Variants in ATRX observed in about 807,000 individuals in gnomAD.
The protein encoded by ATRX is ATRX chromatin remodeler.
A neutral mutation model predicts 172.6 loss-of-function variants in ATRX; 12 were observed. The observed-to-expected ratio is 0.07, with a 90% CI of 0.04 to 0.11. The LOEUF (loss-of-function observed/expected upper bound fraction) is 0.11, where lower values mean the gene tolerates loss of function less well. Ranked by LOEUF, ATRX falls within the 10% of genes least tolerant of loss-of-function variation. The pLI is 1.00. For synonymous variants in ATRX, 674 were observed against 594.7 expected (o/e 1.13, Z -1.94); for missense variants, 1,368 against 1,767.4 (o/e 0.77, Z 4.05).
chrX:77,695,628 T>C (rs2072145183), intron 5 of ATRX, among the ~76,000 whole-genome samples: 1 of 111,566 alleles, frequency 9.0e-6, no homozygotes, highest in Admixed American at 9.5e-5. Context: ...CATAAATGAT[T>C]TGCAAAACTA....
At chrX:77,545,163 C>T (rs2064187408) in intron 30 of ATRX, among the ~76,000 whole-genome samples, 1 of 112,403 alleles carries the variant, frequency 8.9e-6, no homozygotes, top group Non-Finnish European at 1.9e-5. Flanking sequence ...TGGCTGCATA[C>T]CAGCACTGTT....
rs1178307424 is a variant in ATRX at position 77,506,291 on chromosome X, G to A, written c.*2060C>T. ...AAAGTACATATTATATAGCTAAAAT[G>A]TCAAGTGAGAAGAGTGTATACAAAG... On this transcript the variant is annotated 3_prime_UTR_variant, in exon 35 of 35. Coordinates refer to ENST00000373344, the MANE Select transcript of ATRX (RefSeq NM_000489.6). The A allele has an allele frequency of 1.2e-5, 2 of 171,375 alleles. No homozygotes were observed. The highest frequency in any genetic ancestry group is 3.6e-3 in the Middle Eastern group (2 of 549). The allele number at this position is 171,375 out of a possible 1,213,427, so 14.1% of individuals were successfully genotyped here.
intron 15 of ATRX, among the ~76,000 whole-genome samples, chrX:77,644,267 A>G (rs868938469): frequency 2.7e-5 from 3 of 112,938 alleles, no homozygotes; most frequent in African/African-American, 9.6e-5. Context: ...CTTTCAAAAC[A>G]TTAGTTGAAC....
At chrX:77,544,119 G>A (rs2064133187) in intron 30 of ATRX, among the ~76,000 whole-genome samples, 1 of 111,194 alleles carries the variant, frequency 9.0e-6, no homozygotes, top group Non-Finnish European at 1.9e-5. Flanking sequence ...GTATTTACAA[G>A]TGAAATGCCA....
rs782656411 is a variant in ATRX at position 77,544,035 on chromosome X, G to A, written c.6699+13416C>T. Among the ~76,000 whole-genome samples the A allele has an allele frequency of 5.5e-5, 6 of 109,966 alleles. No homozygotes were observed. In the South Asian group the frequency reaches 2.3e-3, roughly 43 times the overall value. On this transcript the variant is annotated intron_variant, in intron 30 of 34. Coordinates refer to ENST00000373344, the MANE Select transcript of ATRX (RefSeq NM_000489.6). ...TTATGAGATGGTGTTAGGGAATTAG[G>A]AAGTTATTCATTTTATGGTATTGTA...
At chrX:77,605,694 T>C (rs782218753) in intron 22 of ATRX, among the ~76,000 whole-genome samples, 5 of 111,346 alleles carry the variant, frequency 4.5e-5, no homozygotes, top group African/African-American at 1.6e-4. Context: ...AAGAAAACCA[T>C]AGGCCAATAT....
chrX:77,533,421 T>C (rs782119867), intron 30 of ATRX, among the ~76,000 whole-genome samples: 1 of 112,223 alleles, frequency 8.9e-6, no homozygotes, highest in African/African-American at 3.2e-5. Flanking sequence ...GTGGTACATA[T>C]ACCAGATGGT....
intron 1 of ATRX, among the ~76,000 whole-genome samples, chrX:77,769,575 C>T (rs1321484080): frequency 1.8e-5 from 2 of 111,442 alleles, no homozygotes; most frequent in Non-Finnish European, 3.8e-5. Flanking sequence ...CGTGAGCCAC[C>T]GTGCCCAGCC....
chrX:77,656,524 T>A (rs781872615), intron 13 of ATRX, 36 bp downstream of exon 13: 1 of 1,086,590 alleles, frequency 9.2e-7, no homozygotes, highest in South Asian at 1.9e-5. Context: ...TCATTCAGAT[T>A]AATTCCTAAA....
At chrX:77,618,207 C>T (rs2067435472) in intron 21 of ATRX, among the ~76,000 whole-genome samples, 2 of 112,065 alleles carry the variant, frequency 1.8e-5, no homozygotes, top group African/African-American at 6.5e-5. Flanking sequence ...ATCATCAGTA[C>T]CTAACATCTA....
At chrX:77,593,959 G>A (rs1378201379) in intron 25 of ATRX, 110 bp from the exon 26 acceptor site, 1 of 722,193 alleles carries the variant, frequency 1.4e-6, no homozygotes, top group Non-Finnish European at 2.1e-6. Context: ...GAAACTGATG[G>A]GGACTTGGGA....
chrX:77,747,015 G>A (rs782705537), intron 1 of ATRX, among the ~76,000 whole-genome samples: 18 of 109,675 alleles, frequency 1.6e-4, no homozygotes, highest in Admixed American at 8.8e-4. Flanking sequence ...TGGCCAGGAT[G>A]GTCTCGATCT....
intron 22 of ATRX, 73 bp downstream of exon 22, chrX:77,616,540 T>C: frequency 8.6e-7 from 1 of 1,162,420 alleles, no homozygotes; most frequent in Non-Finnish European, 1.2e-6. Context: ...CATAGTAAGA[T>C]GACTGAAATA....
intron 6 of ATRX, 74 bp downstream of exon 6, chrX:77,693,750 G>T: frequency 2.4e-6 from 2 of 817,991 alleles, no homozygotes; most frequent in Non-Finnish European, 1.8e-6. Context: ...GGTATTTTTA[G>T]TAAGCACATC....
chrX:77,596,727 T>G (rs2066479763), intron 25 of ATRX: 1 of 111,074 alleles, frequency 9.0e-6, no homozygotes, highest in African/African-American at 3.3e-5. Context: ...AATGCTTATA[T>G]AGCATACCAG....
At chrX:77,557,803 T>G (rs904900082) in intron 29 of ATRX, among the ~76,000 whole-genome samples, 158 bp from the exon 30 acceptor site, 1 of 112,207 alleles carries the variant, frequency 8.9e-6, no homozygotes, top group Admixed American at 9.5e-5. Flanking sequence ...GCTTAATTCA[T>G]GAAAGATTTC....
intron 27 of ATRX, among the ~76,000 whole-genome samples, chrX:77,584,587 GA>G (rs1465725190): frequency 9.0e-6 from 1 of 111,103 alleles, no homozygotes; most frequent in African/African-American, 3.3e-5. Context: ...TGGTGCTGGG[GA>G]AAACTGGATA....
intron 30 of ATRX, among the ~76,000 whole-genome samples, chrX:77,530,378 G>A (rs982647019): frequency 1.9e-4 from 21 of 110,911 alleles, no homozygotes; most frequent in African/African-American, 2.6e-4. Context: ...AGGCTGAGGC[G>A]GGTGGATCAC....
At chrX:77,590,080 A>T (rs1557079373) in intron 26 of ATRX, 140 bp from the exon 27 acceptor site, 1 of 546,355 alleles carries the variant, frequency 1.8e-6, no homozygotes, top group African/African-American at 2.3e-5. Flanking sequence ...AGGTGATTGT[A>T]AAATGTATAT....
Sources: allele counts gnomAD v4.1 joint callset (sites outside exome capture counted in the v4.1 genomes callset), GRCh38; gene constraint gnomAD v4.1.1; transcripts MANE v1.5; gene names NCBI Gene and HGNC (gene_info 2026-07-23, HGNC 2026-07-21).